The following FAM193A variants were observed in gnomAD, a reference collection of about 807,000 sequenced individuals.
The protein encoded by FAM193A is protein FAM193A.
A neutral mutation model predicts 126.5 loss-of-function variants in FAM193A; 22 were observed. The ratio of observed to expected loss-of-function variants is 0.17; its 90% CI spans 0.12 to 0.25. The LOEUF (loss-of-function observed/expected upper bound fraction) is 0.25, where lower values mean the gene tolerates loss of function less well. FAM193A is among the 10% of genes least tolerant of loss of function. The probability of loss-of-function intolerance (pLI) is 1.00; values close to 1 mark genes in which losing one functional copy is unlikely to be tolerated. For synonymous variants in FAM193A, 761 were observed against 646.8 expected, an observed-to-expected ratio of 1.18 and a Z score of -2.68; for missense variants, 1,675 against 1,672.8, an observed-to-expected ratio of 1.00 and a Z score of -0.02.
intron 1 of FAM193A, among the ~76,000 whole-genome samples, chr4:2,544,302 A>G (rs1737417563): frequency 6.6e-6 from 1 of 152,168 alleles, no homozygotes; most frequent in African/African-American, 2.4e-5. Flanking sequence ...GCCCATAGCC[A>G]TGATCCCAGC....
At chr4:2,623,065 T>C (rs1311044194) in intron 2 of FAM193A, among the ~76,000 whole-genome samples, 1 of 151,522 alleles carries the variant, frequency 6.6e-6, no homozygotes, top group Non-Finnish European at 1.5e-5. Flanking sequence ...CCTCATGGTG[T>C]AATTCTGGGG....
chr4:2,686,570 G>A (rs1011161048), intron 13 of FAM193A, among the ~76,000 whole-genome samples: 3 of 148,992 alleles, frequency 2.0e-5, no homozygotes, highest in African/African-American at 7.8e-5. Flanking sequence ...AGGAGGTGAT[G>A]CTGATGAAAT....
chr4:2,535,840 C>T (rs1736845127), upstream of FAM193A, among the ~76,000 whole-genome samples: 1 of 152,072 alleles, frequency 6.6e-6, no homozygotes, highest in Admixed American at 6.5e-5. Flanking sequence ...TCGGGAAGAG[C>T]ACCCTTTAGG....
intron 1 of FAM193A, among the ~76,000 whole-genome samples, chr4:2,554,058 G>A (rs147406387): frequency 2.8e-3 from 425 of 152,136 alleles, no homozygotes; most frequent in African/African-American, 7.8e-3. Context: ...ACAGAAGTGT[G>A]CTGTTTAATT....
chr4:2,701,713 G>A (rs1027749095), intron 19 of FAM193A, among the ~76,000 whole-genome samples: 13 of 151,900 alleles, frequency 8.6e-5, no homozygotes, highest in Non-Finnish European at 1.8e-4. Context: ...AACATTCACC[G>A]ACTAGTTGTA....
At chr4:2,543,863 T>C (rs565861471) in intron 1 of FAM193A, among the ~76,000 whole-genome samples, 10 of 71,674 alleles carry the variant, frequency 1.4e-4, no homozygotes, top group Non-Finnish European at 2.0e-4. Context: ...GAATGAGACA[T>C]TGTCTCAAAA....
intron 2 of FAM193A, among the ~76,000 whole-genome samples, chr4:2,602,906 C>T (rs559158040): frequency 2.1e-4 from 31 of 150,760 alleles, no homozygotes; most frequent in African/African-American, 6.1e-4. Flanking sequence ...GTGATCCGCC[C>T]GCCTCGTCCT....
chr4:2,654,378 A>ATTTTTTTTTTTTTTTTTT (rs372926172), intron 7 of FAM193A: 4 of 114,588 alleles, frequency 3.5e-5, no homozygotes, highest in Non-Finnish European at 5.2e-5. Context: ...TGCCTGGCTA[A>ATTTTTTTTTTTTTTTTTT]TTTTTTTTTT....
intron 13 of FAM193A, 66 bp downstream of exon 13, chr4:2,672,438 A>C: frequency 6.4e-7 from 1 of 1,563,968 alleles, no homozygotes; most frequent in Non-Finnish European, 8.7e-7. Flanking sequence ...GTACATAGTC[A>C]AACAAAGAAA....
At position 2,683,773 on chromosome 4, in the gene FAM193A, A is replaced by C. The variant is rs190663826; in HGVS notation, c.2332-5733A>C. On this transcript the variant is annotated intron_variant, in intron 13 of 20. Coordinates refer to ENST00000637812, the MANE Select transcript of FAM193A (RefSeq NM_001366318.2). ...TGTTTCTCTAGTCTCTCCTTCCAGC[A>C]TTCCACTTACCAGGTGTTATATCTT... 2.5e-4 allele frequency among the ~76,000 whole-genome samples: 38 copies of C among 152,326 alleles called. 1 individual carries two copies. In the East Asian group the frequency reaches 6.0e-3, roughly 24 times the overall value.
intron 20 of FAM193A, among the ~76,000 whole-genome samples, chr4:2,730,661 G>T (rs965764451): frequency 1.3e-5 from 2 of 151,724 alleles, no homozygotes; most frequent in Admixed American, 6.6e-5. Flanking sequence ...CTGCACTCCA[G>T]CCTGGGCGAC....
intron 1 of FAM193A, among the ~76,000 whole-genome samples, chr4:2,586,828 A>G (rs1560462140): frequency 6.6e-6 from 1 of 151,844 alleles, no homozygotes; most frequent in Non-Finnish European, 1.5e-5. Flanking sequence ...TTATTTTTAA[A>G]TTTTTTGTAG....
intron 1 of FAM193A, among the ~76,000 whole-genome samples, chr4:2,550,739 GT>G (rs1305322185): frequency 6.7e-6 from 1 of 150,266 alleles, no homozygotes; most frequent in African/African-American, 2.4e-5. Context: ...CCTGTTGGTT[GT>G]TTTTTTTGTT....
intron 7 of FAM193A, among the ~76,000 whole-genome samples, chr4:2,654,016 T>G (rs1355265025): frequency 6.6e-6 from 1 of 152,162 alleles, no homozygotes; most frequent in Non-Finnish European, 1.5e-5. Flanking sequence ...CTGGAGTTCT[T>G]GGTTTGTGGC....
At chr4:2,554,091 A>G (rs889984007) in intron 1 of FAM193A, among the ~76,000 whole-genome samples, 3 of 151,696 alleles carry the variant, frequency 2.0e-5, no homozygotes, top group African/African-American at 7.3e-5. Context: ...CCTTTTATTT[A>G]TTTATTTTTT....
chr4:2,544,709 G>GA (rs1737443167), intron 1 of FAM193A, among the ~76,000 whole-genome samples: 1 of 151,512 alleles, frequency 6.6e-6, no homozygotes, highest in Non-Finnish European at 1.5e-5. Flanking sequence ...GTCTCTGAAA[G>GA]AAAAAAAGAA....
At chr4:2,587,326 A>G (rs1740289799) in intron 1 of FAM193A, among the ~76,000 whole-genome samples, 1 of 152,130 alleles carries the variant, frequency 6.6e-6, no homozygotes, top group African/African-American at 2.4e-5. Context: ...ATGAGAACTC[A>G]CTCAGTGCTG....
chr4:2,624,549 C>T (rs1742772775), intron 2 of FAM193A, among the ~76,000 whole-genome samples: 1 of 152,220 alleles, frequency 6.6e-6, no homozygotes, highest in African/African-American at 2.4e-5. Flanking sequence ...ATGCAAGGCT[C>T]AGAGAGGCCA....
chr4:2,657,978 T>C (rs1711918161), intron 8 of FAM193A, 98 bp downstream of exon 8: 9 of 818,734 alleles, frequency 1.1e-5, no homozygotes, highest in Non-Finnish European at 1.6e-5. Context: ...TAGAACAGCA[T>C]TGGAGGACCA....
Sources: gnomAD v4.1 joint callset for allele counts (sites outside exome capture counted in the v4.1 genomes callset) on GRCh38, gnomAD v4.1.1 for gene constraint, MANE v1.5 for transcripts, NCBI Gene and HGNC (gene_info 2026-07-23, HGNC 2026-07-21) for gene names.